NMNAT3: variants seen among roughly 807,000 people sequenced by gnomAD.
NMNAT3 encodes nicotinamide nucleotide adenylyltransferase 3.
In NMNAT3, 21 loss-of-function variants were observed where a neutral mutation model predicts 24.8. The ratio of observed to expected loss-of-function variants is 0.85; its 90% CI spans 0.60 to 1.22. The LOEUF is 1.22. Ranked by LOEUF, NMNAT3 falls within the 50% of genes most tolerant of loss-of-function variation. The probability of loss-of-function intolerance (pLI) is 0.00; values close to 1 mark genes in which losing one functional copy is unlikely to be tolerated. For missense variants in NMNAT3, 387 were observed against 436.6 expected (o/e 0.89, Z 1.01); for synonymous variants, 136 against 155.2 (o/e 0.88, Z 0.92).
At chr3:139,642,237 C>A (rs2056730227) in intron 1 of NMNAT3, among the ~76,000 whole-genome samples, 1 of 152,178 alleles carries the variant, frequency 6.6e-6, no homozygotes, top group African/African-American at 2.4e-5. Context: ...ATCTTTATTG[C>A]TAAAGCGCCT....
intron 3 of NMNAT3, among the ~76,000 whole-genome samples, chr3:139,621,382 T>C (rs577114844): frequency 6.6e-6 from 1 of 152,304 alleles, no homozygotes; most frequent in South Asian, 2.1e-4. Context: ...TATTTTGTTT[T>C]ATTTTGTTTG....
At chr3:139,567,840 A>G (rs1338906758) in intron 6 of NMNAT3, 1 of 152,190 alleles carries the variant, frequency 6.6e-6, no homozygotes, top group Non-Finnish European at 1.5e-5. Context: ...TGGTATCAGG[A>G]TGATGCTGGC....
intron 3 of NMNAT3, among the ~76,000 whole-genome samples, chr3:139,619,002 C>T (rs2055638544): frequency 6.6e-6 from 1 of 152,186 alleles, no homozygotes; most frequent in African/African-American, 2.4e-5. Flanking sequence ...TTTACCCATG[C>T]TGCTTTCTGT....
chr3:139,604,557 T>C (rs1193985956), intron 3 of NMNAT3, among the ~76,000 whole-genome samples: 1 of 152,166 alleles, frequency 6.6e-6, no homozygotes, highest in African/African-American at 2.4e-5. Flanking sequence ...GAACAAACTG[T>C]GGCATGAAGA....
At chr3:139,563,322 C>A (rs1936700909) in intron 6 of NMNAT3, among the ~76,000 whole-genome samples, 1 of 152,130 alleles carries the variant, frequency 6.6e-6, no homozygotes, top group Non-Finnish European at 1.5e-5. Flanking sequence ...GTCTTTCAAA[C>A]AATTAGGTAG....
chr3:139,563,799 G>A (rs184540986), intron 6 of NMNAT3, among the ~76,000 whole-genome samples: 1 of 152,264 alleles, frequency 6.6e-6, no homozygotes, highest in Non-Finnish European at 1.5e-5. Context: ...TAGACCGAGT[G>A]ACTCTATCCA....
chr3:139,576,105 G>T, intron 5 of NMNAT3: 2 of 1,257,132 alleles, frequency 1.6e-6, no homozygotes, highest in Non-Finnish European at 2.1e-6. Context: ...AGAGATGTTT[G>T]TTACTATGTC....
chr3:139,670,547 A>G (rs1313594441), intron 1 of NMNAT3, among the ~76,000 whole-genome samples: 1 of 152,252 alleles, frequency 6.6e-6, no homozygotes, highest in African/African-American at 2.4e-5. Context: ...GTCTTGTGAC[A>G]TGATTTCCTA....
At chr3:139,628,978 AT>A (rs1313448586) in intron 2 of NMNAT3, among the ~76,000 whole-genome samples, 6 of 152,070 alleles carry the variant, frequency 3.9e-5, no homozygotes, top group Admixed American at 1.3e-4. Flanking sequence ...GAGAAAGGAG[AT>A]GGTGGTGTGT....
At chr3:139,580,588 G>A (rs149791746) in intron 4 of NMNAT3, among the ~76,000 whole-genome samples, 49 of 152,202 alleles carry the variant, frequency 3.2e-4, no homozygotes, top group South Asian at 6.2e-4. Context: ...ACAGACGCTC[G>A]CCACCTGGCA....
chr3:139,571,259 T>C (rs1938266981), intron 6 of NMNAT3: 1 of 152,254 alleles, frequency 6.6e-6, no homozygotes, highest in Non-Finnish European at 1.5e-5. Flanking sequence ...CTGCTTTCTT[T>C]GACTAGGAAA....
intron 3 of NMNAT3, among the ~76,000 whole-genome samples, chr3:139,604,472 G>A (rs1220935103): frequency 6.6e-6 from 1 of 152,130 alleles, no homozygotes; most frequent in East Asian, 1.9e-4. Flanking sequence ...TGTGCCAAAG[G>A]CTTTACATAT....
chr3:139,573,499 G>T, intron 6 of NMNAT3, 99 bp downstream of exon 6: 1 of 535,258 alleles, frequency 1.9e-6, no homozygotes, highest in South Asian at 4.3e-5. Context: ...CAGAGGGTTG[G>T]ACTCAAGTCC....
At position 139,626,029 on chromosome 3, in the gene NMNAT3, T is replaced by C. The variant is rs144661090; in HGVS notation, c.109+1587A>G. 2.4e-3 allele frequency among the ~76,000 whole-genome samples: 362 copies of C among 152,310 alleles called. 2 individuals are homozygous for C. Among genetic ancestry groups the C allele is most frequent in the African/African-American group, 8.2e-3 (340 of 41,586 alleles). On this transcript the variant is annotated intron_variant, in intron 3 of 6. Coordinates refer to ENST00000643695, the MANE Select transcript of NMNAT3 (RefSeq NM_001320510.2). ...AACAAGATGTCTGCTGTCATCTTTA[T>C]TTTTGTTCTGTGGTTGCTTTTGACT...
chr3:139,605,735 T>C (rs2054913540), intron 3 of NMNAT3, among the ~76,000 whole-genome samples: 2 of 152,184 alleles, frequency 1.3e-5, no homozygotes, highest in Admixed American at 6.5e-5. Flanking sequence ...TTTATGTTTT[T>C]GGTGCTTGTT....
intron 2 of NMNAT3, among the ~76,000 whole-genome samples, chr3:139,632,109 C>T (rs1013472695): frequency 2.0e-5 from 3 of 152,048 alleles, no homozygotes; most frequent in African/African-American, 7.3e-5. Context: ...TAGCACTGTG[C>T]CTGGCACCAA....
Position 139,561,086 on chromosome 3 carries a change from TTGA to T in NMNAT3, c.962_964del (p.Ile321del). Reference sequence around the variant, plus strand: ...GCCCTTGGTGTAGAGGCCATGGTCCTTGATGTACGTGATGACAGCATCGGGAAT... The same window carrying T: ...GCCCTTGGTGTAGAGGCCATGGTCCTTGTACGTGATGACAGCATCGGGAAT... On this transcript the variant is annotated inframe_deletion, in exon 7 of 7. Coordinates refer to ENST00000643695, the MANE Select transcript of NMNAT3 (RefSeq NM_001320510.2). 1 of 1,614,090 alleles carries T rather than the reference TTGA, an allele frequency of 6.2e-7. No individual in the cohort carries two copies. The highest frequency in any genetic ancestry group is 8.5e-7 in the Non-Finnish European group (1 of 1,180,016).
intron 1 of NMNAT3, among the ~76,000 whole-genome samples, chr3:139,651,037 T>C (rs958859566): frequency 3.9e-5 from 6 of 152,204 alleles, no homozygotes; most frequent in Non-Finnish European, 8.8e-5. Flanking sequence ...GAAGTGATTA[T>C]TTAAAATAAC....
chr3:139,626,486 C>T (rs1186131431), intron 3 of NMNAT3, among the ~76,000 whole-genome samples: 1 of 152,066 alleles, frequency 6.6e-6, no homozygotes, highest in African/African-American at 2.4e-5. Context: ...CTCTACTTAA[C>T]TTGAATATAT....
Sources: gnomAD v4.1 joint callset for allele counts (sites outside exome capture counted in the v4.1 genomes callset) on GRCh38, gnomAD v4.1.1 for gene constraint, MANE v1.5 for transcripts, NCBI Gene and HGNC (gene_info 2026-07-23, HGNC 2026-07-21) for gene names.